Variants in CDCP1 observed in about 807,000 individuals in gnomAD.
CDCP1 encodes CUB domain containing protein 1.
Under a neutral mutation model 60.2 loss-of-function variants are expected in CDCP1, and 29 were observed. That is an observed-to-expected ratio of 0.48 (90% CI 0.36 to 0.66). The LOEUF (loss-of-function observed/expected upper bound fraction) is 0.66, where lower values mean the gene tolerates loss of function less well. Ranked by LOEUF, CDCP1 falls within the 30% of genes least tolerant of loss-of-function variation. The pLI, the probability that CDCP1 is intolerant of heterozygous loss-of-function variation, is 0.00. For missense variants in CDCP1, 876 were observed against 1,074.3 expected (o/e 0.82, Z 2.58); for synonymous variants, 387 against 431.1 (o/e 0.90, Z 1.27).
chr3:45,098,836 A>G (rs1698444804), intron 4 of CDCP1, among the ~76,000 whole-genome samples: 1 of 152,144 alleles, frequency 6.6e-6, no homozygotes, highest in Non-Finnish European at 1.5e-5. Flanking sequence ...GTAGTGAATT[A>G]TTATCATTTT....
At chr3:45,108,519 C>T (rs1698610047) in intron 4 of CDCP1, among the ~76,000 whole-genome samples, 1 of 151,896 alleles carries the variant, frequency 6.6e-6, no homozygotes, top group Non-Finnish European at 1.5e-5. Flanking sequence ...AGCTTCTAAG[C>T]AGCATTCCAC....
At chr3:45,145,396 C>T (rs1699361886) in intron 1 of CDCP1, among the ~76,000 whole-genome samples, 1 of 152,210 alleles carries the variant, frequency 6.6e-6, no homozygotes, top group Admixed American at 6.5e-5. Context: ...TCTAATACAT[C>T]CAGGGCCCAC....
rs756775582 is a variant in CDCP1, at chr3:45,095,527, A to T, written c.1066T>A (p.Ser356Thr). 6.2e-7 allele frequency: 1 copy of T among 1,614,158 alleles called. No homozygotes were observed. The highest frequency in any genetic ancestry group is 2.2e-5 in the East Asian group (1 of 44,880). Residue 356 changes from serine (S) to threonine (T), a missense_variant, in exon 5 of 9, where the codon TCA becomes ACA. Coordinates refer to ENST00000296129, the MANE Select transcript of CDCP1 (RefSeq NM_022842.5). ...VVDLSNERAM[S>T]LTIEPRPVKQ... ...ACGGGCCGTGGCTCGATGGTGAGTGACATGGCTCGCTCATTACTCAAGTCA... is the reference window on the plus strand; with the variant it reads ...ACGGGCCGTGGCTCGATGGTGAGTGTCATGGCTCGCTCATTACTCAAGTCA...
At chr3:45,123,225 T>C (rs935870039) in intron 1 of CDCP1, among the ~76,000 whole-genome samples, 7 of 152,208 alleles carry the variant, frequency 4.6e-5, no homozygotes, top group African/African-American at 1.7e-4. Context: ...AATGACTCAC[T>C]CCTGGTAGAT....
At chr3:45,102,328 C>T (rs1025312802) in intron 4 of CDCP1, among the ~76,000 whole-genome samples, 3 of 152,120 alleles carry the variant, frequency 2.0e-5, no homozygotes, top group Non-Finnish European at 2.9e-5. Context: ...CCTCGGCCTC[C>T]CAAAGTGCTG....
chr3:45,088,809 G>C (rs1369337373), intron 8 of CDCP1, among the ~76,000 whole-genome samples: 2 of 152,104 alleles, frequency 1.3e-5, no homozygotes, highest in Non-Finnish European at 1.5e-5. Context: ...CTTGTGCTGA[G>C]GCAGCTGCAC....
intron 1 of CDCP1, among the ~76,000 whole-genome samples, chr3:45,120,077 A>G (rs1235100436): frequency 1.3e-5 from 2 of 152,202 alleles, no homozygotes; most frequent in Non-Finnish European, 2.9e-5. Flanking sequence ...TTATTTATCC[A>G]TGCACCTGCT....
chr3:45,143,733 C>T lies in CDCP1; in HGVS notation c.82+2473G>A, dbSNP rs532362716. Among the ~76,000 whole-genome samples the T allele has an allele frequency of 3.9e-5, 6 of 151,998 alleles. No homozygotes were observed. In the East Asian group the frequency reaches 5.8e-4, roughly 15 times the overall value. On this transcript the variant is annotated intron_variant, in intron 1 of 8. Transcript: ENST00000296129. ...ACACCCAGAAGAGTGTGTGTGTGCACATGCAAGGCGTGCAACCATCATAGA... is the reference window on the plus strand; with the variant it reads ...ACACCCAGAAGAGTGTGTGTGTGCATATGCAAGGCGTGCAACCATCATAGA...
At position 45,105,483 on chromosome 3, in the gene CDCP1, G is replaced by C. The variant is rs1698547069; in HGVS notation, c.1024+4990C>G. 2.0e-5 allele frequency among the ~76,000 whole-genome samples: 3 copies of C among 152,196 alleles called. No homozygotes were observed. In the South Asian group the frequency reaches 6.2e-4, roughly 32 times the overall value. The stretch of plus-strand genomic sequence containing the variant: ...CCCAGAGTGGTTAACAAAGCGTCCT[G>C]TGTAACACACTGGAAATGCACATCT... On this transcript the variant is annotated intron_variant, in intron 4 of 8. Transcript: ENST00000296129.
chr3:45,125,811 T>G (rs1698969887), intron 1 of CDCP1, among the ~76,000 whole-genome samples: 1 of 152,232 alleles, frequency 6.6e-6, no homozygotes, highest in African/African-American at 2.4e-5. Flanking sequence ...CCTTAAATTC[T>G]GCACACCTTA....
Position 45,093,258 on chromosome 3 carries a change from T to G in CDCP1, c.1627+19A>C. ...CGCTTAAACTAAAGGGGCATGGAGA[T>G]AGGGGAGACCCCCCTTACCTTTGAA... On this transcript the variant is annotated intron_variant, in intron 6 of 8. Transcript: ENST00000296129. 6.2e-7 allele frequency: 1 copy of G among 1,607,622 alleles called. No individual in the cohort carries two copies. The highest frequency in any genetic ancestry group is 8.5e-7 in the Non-Finnish European group (1 of 1,176,006).
At chr3:45,110,339 C>T (rs547846068) in intron 4 of CDCP1, 134 bp downstream of exon 4, 15 of 1,453,182 alleles carry the variant, frequency 1.0e-5, no homozygotes, top group African/African-American at 1.4e-5. Flanking sequence ...TCCTGAAACT[C>T]TTGCTGGGTC....
intron 4 of CDCP1, among the ~76,000 whole-genome samples, chr3:45,107,309 C>T (rs535190432): frequency 2.2e-4 from 34 of 152,064 alleles, no homozygotes; most frequent in Admixed American, 1.6e-3. Flanking sequence ...CGGGTTCAAG[C>T]GATTCTCCTG....
At chr3:45,094,915 C>T (rs1297378717) in intron 5 of CDCP1, among the ~76,000 whole-genome samples, 3 of 151,726 alleles carry the variant, frequency 2.0e-5, no homozygotes, top group African/African-American at 4.8e-5. Context: ...CTCCTGGTCA[C>T]CCTTGCTCAC....
At chr3:45,122,509 C>T (rs767158578) in intron 1 of CDCP1, among the ~76,000 whole-genome samples, 1 of 151,204 alleles carries the variant, frequency 6.6e-6, no homozygotes, top group Non-Finnish European at 1.5e-5. Flanking sequence ...TTGCCCAGGC[C>T]GGAGTGCAAT....
In CDCP1 at chr3:45,091,406, C is replaced by T. The variant is rs762431242; in HGVS notation, c.1760G>A (p.Cys587Tyr). The T allele has an allele frequency of 4.2e-5, 68 of 1,613,876 alleles. No homozygotes were observed. The highest frequency in any genetic ancestry group is 5.7e-5 in the Non-Finnish European group (67 of 1,179,946). Reference sequence around the variant, plus strand: ...GCTCCGCTCCTTAAAGAAAGTCAGGCAGGCCACCTGGTCTCTGGGCACGCT... The same window carrying T: ...GCTCCGCTCCTTAAAGAAAGTCAGGTAGGCCACCTGGTCTCTGGGCACGCT... ...NISVPRDQVA[C>Y]LTFFKERSGV... The change falls in exon 7 of 9, where the codon TGC (cysteine) becomes TAC (tyrosine). Residue 587 changes from cysteine (C) to tyrosine (Y), a missense_variant. By Grantham distance (194) the Cys-to-Tyr change is radical. Coordinates refer to ENST00000296129, the MANE Select transcript of CDCP1 (RefSeq NM_022842.5). This position sits in a 1 kb window ranked among gnomAD's most constrained non-coding sequence, Gnocchi z 4.8.
chr3:45,130,785 C>A (rs983745993), intron 1 of CDCP1, among the ~76,000 whole-genome samples: 4 of 152,170 alleles, frequency 2.6e-5, no homozygotes, highest in African/African-American at 7.2e-5. Flanking sequence ...AGGGGAGGAG[C>A]TTCCTTTTTA....
intron 1 of CDCP1, among the ~76,000 whole-genome samples, chr3:45,126,149 T>TCTTTC (rs1698987394): frequency 1.4e-5 from 2 of 143,606 alleles, no homozygotes; most frequent in African/African-American, 5.3e-5. Context: ...TTTCTTTCTT[T>TCTTTC]CTTTCTTTCT....
chr3:45,138,453 C>T (rs1464552375), intron 1 of CDCP1, among the ~76,000 whole-genome samples: 1 of 152,230 alleles, frequency 6.6e-6, no homozygotes, highest in Non-Finnish European at 1.5e-5. Context: ...TATTGAATAT[C>T]TAAATGTTCT....
Sources: allele counts gnomAD v4.1 joint callset (sites outside exome capture counted in the v4.1 genomes callset), GRCh38; gene constraint gnomAD v4.1.1; non-coding constraint Gnocchi (gnomAD v3.1); transcripts MANE v1.5; gene names NCBI Gene and HGNC (gene_info 2026-07-23, HGNC 2026-07-21).